COL16A1: variants seen among roughly 807,000 people sequenced by gnomAD.
COL16A1 encodes the protein collagen type XVI alpha 1 chain.
COL16A1 carries 189 observed loss-of-function variants against 266.3 expected under a neutral mutation model. That is an observed-to-expected ratio of 0.71 (90% confidence interval 0.63 to 0.80). COL16A1 has a LOEUF of 0.80. COL16A1 is among the 30% of genes least tolerant of loss of function. The pLI is 0.00. For missense variants in COL16A1, 1,928 were observed against 2,122.4 expected, an observed-to-expected ratio of 0.91 and a Z score of 1.80; for synonymous variants, 740 against 782.3, an observed-to-expected ratio of 0.95 and a Z score of 0.90.
intron 57 of COL16A1, 75 bp downstream of exon 57, chr1:31,662,496 AGCACACACACACAGGT>A (rs1158604494): frequency 1.9e-6 from 3 of 1,552,998 alleles, no homozygotes; most frequent in African/African-American, 1.4e-5. Flanking sequence ...CTCCCACCTC[AGCACACACACACAGGT>A]GCACACACAC....
At chr1:31,658,728 A>G (rs1641386369) in intron 63 of COL16A1, 151 bp from the exon 64 acceptor site, 2 of 1,036,622 alleles carry the variant, frequency 1.9e-6, no homozygotes, top group Non-Finnish European at 2.9e-6. Flanking sequence ...GATGACCTCC[A>G]GCCCTCTCCA....
chr1:31,668,770 G>GC lies in COL16A1; in HGVS notation c.3249+31dup. The GC allele has an allele frequency of 6.2e-7, 1 of 1,612,906 alleles. No homozygotes were observed. Among genetic ancestry groups the GC allele is most frequent in the Non-Finnish European group, 8.5e-7 (1 of 1,179,188 alleles). ...CTCCCCAGCTCTTCCTCCCTTTCCA[G>GC]CCCTTTCCAGCCCCTGCCAGCTTCT... On this transcript the variant is annotated intron_variant, in intron 50 of 70. Coordinates refer to ENST00000373672, the MANE Select transcript of COL16A1 (RefSeq NM_001856.4). The surrounding 1 kb of genome is among the most constrained non-coding windows in gnomAD (Gnocchi z 5.8).
intron 9 of COL16A1, 61 bp from the exon 10 acceptor site, chr1:31,695,848 C>A: frequency 6.8e-7 from 1 of 1,480,966 alleles, no homozygotes; most frequent in East Asian, 2.3e-5. Flanking sequence ...AGCACTGTTT[C>A]CAACACCCCT....
At chr1:31,692,420 T>C in intron 16 of COL16A1, 54 bp downstream of exon 16, 2 of 1,580,876 alleles carry the variant, frequency 1.3e-6, no homozygotes, top group Non-Finnish European at 1.7e-6. Context: ...TCCTCATGGC[T>C]GTAGAGCCTG....
chr1:31,691,309 G>GC (rs1644255249), intron 19 of COL16A1, 83 bp from the exon 20 acceptor site: 1 of 1,594,972 alleles, frequency 6.3e-7, no homozygotes, highest in African/African-American at 1.3e-5. Flanking sequence ...CTCTCCTCCA[G>GC]CCAGGATCCC....
At chr1:31,655,529 C>T in intron 66 of COL16A1, 27 bp from the exon 67 acceptor site, 5 of 1,610,470 alleles carry the variant, frequency 3.1e-6, no homozygotes, top group Non-Finnish European at 4.2e-6. Context: ...TTAGTGCTGT[C>T]AAATTTACAT....
chr1:31,691,927 G>C (rs563431483), intron 17 of COL16A1, 78 bp downstream of exon 17: 3 of 1,602,962 alleles, frequency 1.9e-6, no homozygotes, highest in African/African-American at 2.7e-5. Flanking sequence ...GGAGGGGGCT[G>C]GATTCCCGAA....
Position 31,658,925 on chromosome 1 carries a change from T to C in COL16A1, c.3919A>G (p.Ile1307Val). The C allele has an allele frequency of 6.4e-7, 1 of 1,553,924 alleles. No homozygotes were observed. The highest frequency in any genetic ancestry group is 8.7e-7 in the Non-Finnish European group (1 of 1,148,290). ...GPPGQPGPAG[I>V]SAVGLKGDRG... ...AGCATGTTACTCACCACTGCAGAGA[T>C]CCCAGCTGGTCCTGGCTGGCCTGGA... is the stretch of plus-strand genomic sequence containing the variant. The change falls in exon 63 of 71, where the codon ATC becomes GTC. Residue 1307 changes from isoleucine (I) to valine (V), a missense_variant. By Grantham distance (29) the Ile-to-Val change is conservative. Transcript: ENST00000373672.
At chr1:31,659,084 C>G (rs1410802526) in intron 62 of COL16A1, 120 bp from the exon 63 acceptor site, 3 of 922,188 alleles carry the variant, frequency 3.3e-6, no homozygotes, top group African/African-American at 3.3e-5. Context: ...CTCTGGAAAC[C>G]TTCCTTCGCT....
chr1:31,692,744 C>T, intron 14 of COL16A1, 23 bp downstream of exon 14: 1 of 1,613,542 alleles, frequency 6.2e-7, no homozygotes, highest in Non-Finnish European at 8.5e-7. Flanking sequence ...GGCCCTGAAG[C>T]AGGCATCACC....
chr1:31,679,863 T>C lies in COL16A1; in HGVS notation c.2671-12A>G, dbSNP rs1373981201. ...AGTCCCGGAGCACCCTGGGTGGGAG[T>C]GGGGGTCGCAAAAGAAGGGGAGAGG... On this transcript the variant is annotated splice_polypyrimidine_tract_variant and intron_variant, in intron 40 of 70. Transcript: ENST00000373672. 4 of 1,504,804 alleles carry C rather than the reference T, an allele frequency of 2.7e-6. No homozygotes were observed. In the African/African-American group the frequency reaches 5.7e-5, roughly 21 times the overall value. 93.2% of individuals were successfully genotyped at this position (1,504,804 alleles called of 1,614,324 possible). A position where few individuals can be genotyped will look rare whatever the true frequency, so the allele number is the denominator to read the frequency against.
rs1429477447 is a variant in COL16A1 at position 31,667,618 on chromosome 1, C to G, written c.3314G>C (p.Gly1105Ala). 6.2e-7 allele frequency: 1 copy of G among 1,605,474 alleles called. No individual in the cohort carries two copies. Among genetic ancestry groups the G allele is most frequent in the Non-Finnish European group, 8.5e-7 (1 of 1,176,358 alleles). The change falls in exon 52 of 71, where the codon GGG (glycine) becomes GCG (alanine). Residue 1105 changes from glycine (G) to alanine (A), a missense_variant. By Grantham distance (60) the Gly-to-Ala change is moderately conservative. Coordinates refer to ENST00000373672, the MANE Select transcript of COL16A1 (RefSeq NM_001856.4). ...CGCTGACCCGGTGTAGCCACGCTCC[C>G]CCTTGATGCCCTGACAAGTGGCAAA... ...TGPPGLPGIK[G>A]ERGYTGSAGE...
chr1:31,692,675 G>T, intron 14 of COL16A1, 33 bp from the exon 15 acceptor site: 1 of 1,614,034 alleles, frequency 6.2e-7, no homozygotes, highest in African/African-American at 1.3e-5. Context: ...GAGAGGGGCA[G>T]AGGGTCACCT....
In COL16A1 at chr1:31,688,765, C is replaced by T; in HGVS notation, c.1767+96G>A. The T allele has an allele frequency of 7.4e-7, 1 of 1,342,678 alleles. No individual in the cohort carries two copies. Among genetic ancestry groups the T allele is most frequent in the East Asian group, 2.5e-5 (1 of 40,042 alleles). 83.2% of individuals were successfully genotyped at this position (1,342,678 alleles called of 1,614,324 possible). ...CCTGCCTCTTCCCCTCCCTCCTGAT[C>T]CCTGCCCTGAGACTTGGGATCTGAA... On this transcript the variant is annotated intron_variant, in intron 25 of 70. Transcript: ENST00000373672. This position sits in a 1 kb window ranked among gnomAD's most constrained non-coding sequence, Gnocchi z 4.9.
At chr1:31,676,947 G>A (rs1643237581) in intron 42 of COL16A1, among the ~76,000 whole-genome samples, 1 of 152,200 alleles carries the variant, frequency 6.6e-6, no homozygotes, top group Non-Finnish European at 1.5e-5. Flanking sequence ...CAATTTCCAG[G>A]CAGGCTCTAC....
chr1:31,689,933 C>A, intron 22 of COL16A1, 82 bp from the exon 23 acceptor site: 1 of 1,212,178 alleles, frequency 8.2e-7, no homozygotes, highest in South Asian at 1.2e-5. Context: ...GCAGACCAGC[C>A]CTAGACATTG....
rs79987934 is a variant in COL16A1, at chr1:31,653,838, G to C, written c.4534+29C>G. 1.9e-4 allele frequency: 295 copies of C among 1,593,932 alleles called. 2 individuals are homozygous for C. In the East Asian group the frequency reaches 6.0e-3, roughly 32 times the overall value. ...AGGCCTGCCCCAAAGAATTACATGTGTCCCTTGGGAACTGTAGGGCAGAGC... is the reference window on the plus strand; with the variant it reads ...AGGCCTGCCCCAAAGAATTACATGTCTCCCTTGGGAACTGTAGGGCAGAGC... On this transcript the variant is annotated intron_variant, in intron 69 of 70. Transcript: ENST00000373672.
intron 47 of COL16A1, 74 bp from the exon 48 acceptor site, chr1:31,671,733 C>T: frequency 6.3e-7 from 1 of 1,596,008 alleles, no homozygotes; most frequent in South Asian, 1.1e-5. Flanking sequence ...AGCAGCCTTC[C>T]TCCCAGCTTG....
At chr1:31,689,321 T>C (rs538712999) in intron 23 of COL16A1, 1 of 649,908 alleles carries the variant, frequency 1.5e-6, no homozygotes, top group Admixed American at 3.0e-5. Context: ...TTCCTGCATA[T>C]ACCCAATCAC....
Sources: gnomAD v4.1 joint callset for allele counts (sites outside exome capture counted in the v4.1 genomes callset) on GRCh38, gnomAD v4.1.1 for gene constraint, Gnocchi (gnomAD v3.1) non-coding constraint, MANE v1.5 for transcripts, NCBI Gene and HGNC (gene_info 2026-07-23, HGNC 2026-07-21) for gene names.